The following TAOK3 variants were observed in gnomAD, a reference collection of about 807,000 sequenced individuals.
The protein encoded by TAOK3 is serine/threonine-protein kinase TAO3.
A neutral mutation model predicts 120.4 loss-of-function variants in TAOK3; 40 were observed. The ratio of observed to expected loss-of-function variants is 0.33; its 90% CI spans 0.26 to 0.43. The LOEUF is 0.43. TAOK3 is among the 20% of genes least tolerant of loss of function. The probability of loss-of-function intolerance (pLI) is 1.00; values close to 1 mark genes in which losing one functional copy is unlikely to be tolerated. For missense variants in TAOK3, 821 were observed against 1,112.1 expected, an observed-to-expected ratio of 0.74 and a Z score of 3.72; for synonymous variants, 355 against 387.5, an observed-to-expected ratio of 0.92 and a Z score of 0.99.
intron 1 of TAOK3, among the ~76,000 whole-genome samples, chr12:118,276,747 G>A (rs1207092638): frequency 6.6e-6 from 1 of 151,620 alleles, no homozygotes; most frequent in East Asian, 1.9e-4. Context: ...GCTCATGCCT[G>A]CAATCCCAGC....
chr12:118,270,746 T>C (rs1206288069), intron 1 of TAOK3, among the ~76,000 whole-genome samples: 3 of 150,390 alleles, frequency 2.0e-5, no homozygotes, highest in East Asian at 2.0e-4. Flanking sequence ...CCGATCTCGG[T>C]TCACTGCAAG....
At chr12:118,271,142 AAC>A (rs1210429821) in intron 1 of TAOK3, among the ~76,000 whole-genome samples, 4 of 152,294 alleles carry the variant, frequency 2.6e-5, no homozygotes, top group South Asian at 4.1e-4. Flanking sequence ...AAAAAATAAA[AAC>A]AGTGTTATTG....
At chr12:118,274,228 T>C (rs1157673579) in intron 1 of TAOK3, among the ~76,000 whole-genome samples, 1 of 152,220 alleles carries the variant, frequency 6.6e-6, no homozygotes, top group Non-Finnish European at 1.5e-5. Flanking sequence ...GAACTGCTTT[T>C]AAGGTACTTT....
At chr12:118,301,988 G>T (rs564456541) in intron 1 of TAOK3, among the ~76,000 whole-genome samples, 1 of 152,100 alleles carries the variant, frequency 6.6e-6, no homozygotes, top group East Asian at 1.9e-4. Flanking sequence ...TGCATTAATT[G>T]TGAAGAAAAT....
Position 118,160,844 on chromosome 12 carries a change from A to G in TAOK3, c.2140-486T>C, listed in dbSNP as rs540140651. 1.3e-5 allele frequency among the ~76,000 whole-genome samples: 2 copies of G among 152,076 alleles called. No individual in the cohort carries two copies. Among genetic ancestry groups the G allele is most frequent in the Admixed American group, 1.3e-4 (2 of 15,266 alleles). ...TCTGGTTTATAGCAATTTCTTATCA[A>G]CTCCATAAAGGAGAGTATATGGATG... is the stretch of plus-strand genomic sequence containing the variant. On this transcript the variant is annotated intron_variant, in intron 18 of 20. Transcript: ENST00000392533. The surrounding 1 kb of genome is among the most constrained non-coding windows in gnomAD (Gnocchi z 4.2).
intron 17 of TAOK3, among the ~76,000 whole-genome samples, chr12:118,168,208 T>C (rs2035733888): frequency 6.6e-6 from 1 of 152,172 alleles, no homozygotes; most frequent in South Asian, 2.1e-4. Context: ...GGTCAAATGG[T>C]AGAAAGTTCC....
intron 13 of TAOK3, 62 bp downstream of exon 13, chr12:118,198,989 C>G: frequency 1.3e-6 from 2 of 1,582,854 alleles, no homozygotes; most frequent in Non-Finnish European, 1.7e-6. Context: ...AGCTAAGTGA[C>G]TTGAACTGGA....
chr12:118,304,114 T>C (rs2042970121), intron 1 of TAOK3, among the ~76,000 whole-genome samples: 1 of 152,220 alleles, frequency 6.6e-6, no homozygotes. Flanking sequence ...GGTGAATGAA[T>C]AGACTATGGT....
intron 6 of TAOK3, among the ~76,000 whole-genome samples, 171 bp from the exon 7 acceptor site, chr12:118,238,340 A>G (rs1170242021): frequency 6.6e-6 from 1 of 152,220 alleles, no homozygotes; most frequent in African/African-American, 2.4e-5. Flanking sequence ...CAGGAAACCC[A>G]AGTATATAAA....
chr12:118,300,909 G>A (rs1207703271), intron 1 of TAOK3, among the ~76,000 whole-genome samples: 1 of 152,024 alleles, frequency 6.6e-6, no homozygotes, highest in Non-Finnish European at 1.5e-5. Flanking sequence ...TCAAGTAACT[G>A]GGACTATAGG....
intron 1 of TAOK3, among the ~76,000 whole-genome samples, chr12:118,315,443 A>AC: frequency 1.0e-5 from 1 of 97,418 alleles, no homozygotes; most frequent in South Asian, 3.5e-4. Context: ...TGCAAATGTT[A>AC]AAACCCACAA....
At chr12:118,218,868 C>CACTTGAACTGGG (rs1320029792) in intron 9 of TAOK3, among the ~76,000 whole-genome samples, 1 of 152,112 alleles carries the variant, frequency 6.6e-6, no homozygotes, top group African/African-American at 2.4e-5. Flanking sequence ...GCAGGAGAAT[C>CACTTGAACTGGG]ACTTGAACTG....
chr12:118,355,033 C>A (rs2045335329), intron 1 of TAOK3, among the ~76,000 whole-genome samples: 1 of 151,696 alleles, frequency 6.6e-6, no homozygotes, highest in Admixed American at 6.6e-5. Context: ...CCACTGCACT[C>A]CAGACTAGGT....
intron 13 of TAOK3, among the ~76,000 whole-genome samples, chr12:118,197,371 T>A (rs1217688618): frequency 1.3e-5 from 2 of 152,212 alleles, no homozygotes; most frequent in Non-Finnish European, 2.9e-5. Context: ...ACTTAAGTCA[T>A]CACACATCAG....
intron 9 of TAOK3, among the ~76,000 whole-genome samples, chr12:118,219,090 C>T (rs1021058860): frequency 1.3e-5 from 2 of 152,208 alleles, no homozygotes; most frequent in African/African-American, 4.8e-5. Context: ...ATGGGACTGG[C>T]TACTTCCAGA....
At chr12:118,344,153 C>A (rs2141153346) in intron 1 of TAOK3, among the ~76,000 whole-genome samples, 1 of 150,438 alleles carries the variant, frequency 6.6e-6, no homozygotes, top group African/African-American at 2.4e-5. Flanking sequence ...TTTAGATTGA[C>A]TTCATTCATT....
intron 1 of TAOK3, among the ~76,000 whole-genome samples, chr12:118,352,031 G>A (rs899725906): frequency 6.6e-6 from 1 of 151,236 alleles, no homozygotes; most frequent in African/African-American, 2.4e-5. Context: ...CCGCCACCGC[G>A]CCTGGCTAAT....
At chr12:118,331,889 C>T (rs1295975442) in intron 1 of TAOK3, among the ~76,000 whole-genome samples, 1 of 150,012 alleles carries the variant, frequency 6.7e-6, no homozygotes, top group Non-Finnish European at 1.5e-5. Context: ...TGCAATGGCA[C>T]GATCTCAGCT....
intron 1 of TAOK3, among the ~76,000 whole-genome samples, chr12:118,358,086 A>G (rs1385961722): frequency 1.3e-5 from 2 of 152,224 alleles, no homozygotes; most frequent in African/African-American, 4.8e-5. Flanking sequence ...AGACTAGTGA[A>G]GTTGGTAAAG....
Sources: allele counts gnomAD v4.1 joint callset (sites outside exome capture counted in the v4.1 genomes callset), GRCh38; gene constraint gnomAD v4.1.1; non-coding constraint Gnocchi (gnomAD v3.1); transcripts MANE v1.5; gene names NCBI Gene and HGNC (gene_info 2026-07-23, HGNC 2026-07-21).